STS: variants seen among roughly 807,000 people sequenced by gnomAD.
STS encodes steroid sulfatase.
In STS, 7 loss-of-function variants were observed where a neutral mutation model predicts 26.8. The observed-to-expected ratio is 0.26, with a 90% CI of 0.15 to 0.49. The LOEUF (loss-of-function observed/expected upper bound fraction) is 0.49. STS is among the 20% of genes least tolerant of loss of function. STS has a pLI of 0.98. For synonymous variants in STS, 199 were observed against 189.4 expected (o/e 1.05, Z -0.42); for missense variants, 434 against 465.6 (o/e 0.93, Z 0.63).
chrX:7,148,087 G>T lies in STS; in HGVS notation c.-134+4G>T. ...GTCCGTCCATGTCAAAGATGAGGTG[G>T]GTGACGGGCTGCGGGGGCGCCGCCA... is the stretch of plus-strand genomic sequence containing the variant. On this transcript the variant is annotated splice_donor_region_variant and intron_variant, in intron 1 of 10. Transcript: ENST00000674429. 1 of 1,136,852 alleles carries T rather than the reference G, an allele frequency of 8.8e-7. No homozygotes were observed. Among genetic ancestry groups the T allele is most frequent in the East Asian group, 3.7e-5 (1 of 27,367 alleles). The allele number at this position is 1,136,852 out of a possible 1,213,427, so 93.7% of individuals were successfully genotyped here. A position where few individuals can be genotyped will look rare whatever the true frequency, so the allele number is the denominator to read the frequency against.
chrX:7,271,141 T>A (rs1314177328), intron 6 of STS, among the ~76,000 whole-genome samples: 1 of 110,833 alleles, frequency 9.0e-6, no homozygotes, highest in Non-Finnish European at 1.9e-5. Flanking sequence ...ACTCACATCC[T>A]GTATGACCAT....
chrX:7,323,795 G>A (rs1927197688), intron 8 of STS, among the ~76,000 whole-genome samples: 1 of 111,519 alleles, frequency 9.0e-6, no homozygotes, highest in African/African-American at 3.3e-5. Flanking sequence ...AAGCTCTAGG[G>A]GAGAATCTTA....
At chrX:7,160,987 G>A (rs1306316928) in intron 1 of STS, among the ~76,000 whole-genome samples, 1 of 110,838 alleles carries the variant, frequency 9.0e-6, no homozygotes, top group East Asian at 2.8e-4. Context: ...ATGGAGTCTC[G>A]ACCTGTCTCC....
chrX:7,217,841 G>A (rs748460854), intron 2 of STS, among the ~76,000 whole-genome samples: 10 of 111,847 alleles, frequency 8.9e-5, no homozygotes, highest in Non-Finnish European at 1.9e-4. Context: ...AATATATTAT[G>A]TAAAAACATA....
At chrX:7,303,611 C>G (rs1252445081) in intron 7 of STS, among the ~76,000 whole-genome samples, 1 of 111,208 alleles carries the variant, frequency 9.0e-6, no homozygotes. Flanking sequence ...GAAATGGAGT[C>G]AGGCTCTAAT....
intron 1 of STS, among the ~76,000 whole-genome samples, chrX:7,148,478 A>G (rs142044228): frequency 0.042 from 4,714 of 112,711 alleles, 238 homozygotes; most frequent in African/African-American, 0.14. Context: ...TTGAGTTTGG[A>G]TCAGGGGTGT....
chrX:7,334,203 T>C (rs1601756129), intron 10 of STS, 96 bp downstream of exon 10: 1 of 1,135,835 alleles, frequency 8.8e-7, no homozygotes. Flanking sequence ...CTCTGCTCAA[T>C]GGAGGCCAAC....
chrX:7,216,547 C>T (rs1389439528), intron 2 of STS, among the ~76,000 whole-genome samples: 3 of 111,856 alleles, frequency 2.7e-5, no homozygotes, highest in African/African-American at 9.7e-5. Context: ...GGCTAGAAAA[C>T]ATAACAGGCA....
intron 8 of STS, among the ~76,000 whole-genome samples, chrX:7,319,302 C>A (rs922545922): frequency 1.1e-4 from 12 of 110,284 alleles, no homozygotes; most frequent in Non-Finnish European, 2.3e-4. Context: ...TGTGTGCCAC[C>A]ACACCTGGCT....
intron 1 of STS, among the ~76,000 whole-genome samples, chrX:7,165,516 C>G (rs767077301): frequency 9.0e-6 from 1 of 110,738 alleles, no homozygotes; most frequent in Non-Finnish European, 1.9e-5. Flanking sequence ...TGTGGTGGCT[C>G]ACACCTGTAG....
intron 2 of STS, among the ~76,000 whole-genome samples, chrX:7,247,857 A>C (rs1372979066): frequency 8.9e-6 from 1 of 112,109 alleles, no homozygotes. Context: ...AATAGTGCAG[A>C]GGTTGAGAAA....
At chrX:7,173,290 A>G (rs1933503101) in intron 1 of STS, among the ~76,000 whole-genome samples, 2 of 111,921 alleles carry the variant, frequency 1.8e-5, no homozygotes, top group African/African-American at 6.5e-5. Context: ...TTATGGCTGC[A>G]TAGTATTCCA....
intron 7 of STS, among the ~76,000 whole-genome samples, chrX:7,280,695 T>A (rs1387780256): frequency 1.8e-5 from 2 of 112,008 alleles, no homozygotes; most frequent in East Asian, 5.6e-4. Flanking sequence ...ACCATTATAG[T>A]GATCACAGCT....
rs1921232102 is a variant in STS at position 7,215,042 on chromosome X, C to CGT, written c.-5+24034_-5+24035insGT. ...TATATATTATATATGTATATATATACATATATATACGTATATATGTATATA... is the reference window on the plus strand; with the variant it reads ...TATATATTATATATGTATATATATACGTATATATATACGTATATATGTATATA... On this transcript the variant is annotated intron_variant, in intron 2 of 10. Coordinates refer to ENST00000674429, the MANE Select transcript of STS (RefSeq NM_001320752.2). Among the ~76,000 whole-genome samples, 9 of 80,435 alleles carry CGT rather than the reference C, an allele frequency of 1.1e-4. No individual in the cohort carries two copies. The South Asian group carries it at 5.0e-3, about 45-fold the overall frequency. 69.8% of individuals were successfully genotyped at this position (80,435 alleles called of 115,157 possible). A position where few individuals can be genotyped will look rare whatever the true frequency, so the allele number is the denominator to read the frequency against.
In STS at chrX:7,276,626, A is replaced by G. The variant is rs1448456137; in HGVS notation, c.943+539A>G. Reference sequence around the variant, plus strand: ...CTTATTATCCCTTATTCTATCAACAATGAAATATGAACAATGCCTTGTCAT... The same window carrying G: ...CTTATTATCCCTTATTCTATCAACAGTGAAATATGAACAATGCCTTGTCAT... On this transcript the variant is annotated intron_variant, in intron 7 of 10. Coordinates refer to ENST00000674429, the MANE Select transcript of STS (RefSeq NM_001320752.2). Among the ~76,000 whole-genome samples the G allele has an allele frequency of 4.5e-5, 5 of 112,314 alleles. No individual in the cohort carries two copies. The Admixed American group carries it at 4.7e-4, about 11-fold the overall frequency.
intron 2 of STS, among the ~76,000 whole-genome samples, chrX:7,232,835 A>C (rs765532704): frequency 8.9e-6 from 1 of 111,883 alleles, no homozygotes; most frequent in African/African-American, 3.2e-5. Flanking sequence ...AGGTGACCGG[A>C]TCATGGGGGT....
intron 2 of STS, among the ~76,000 whole-genome samples, chrX:7,193,077 T>A (rs1168339019): frequency 1.8e-5 from 2 of 112,567 alleles, no homozygotes; most frequent in African/African-American, 6.5e-5. Context: ...AGGATTTTTC[T>A]TTCTATTAAA....
intron 6 of STS, among the ~76,000 whole-genome samples, chrX:7,271,551 A>G (rs1210896663): frequency 1.8e-5 from 2 of 110,930 alleles, no homozygotes; most frequent in African/African-American, 6.6e-5. Flanking sequence ...AGATGCTCAT[A>G]TGTAAGTCAT....
intron 9 of STS, among the ~76,000 whole-genome samples, chrX:7,330,880 T>C (rs1464289115): frequency 1.8e-5 from 2 of 112,243 alleles, no homozygotes; most frequent in East Asian, 5.6e-4. Context: ...TACTTAAGAT[T>C]CCCTTTAATT....
Sources: gnomAD v4.1 joint callset for allele counts (sites outside exome capture counted in the v4.1 genomes callset) on GRCh38, gnomAD v4.1.1 for gene constraint, MANE v1.5 for transcripts, NCBI Gene and HGNC (gene_info 2026-07-23, HGNC 2026-07-21) for gene names.